SELENOO: variants seen among roughly 807,000 people sequenced by gnomAD.
SELENOO encodes selenoprotein O.
In SELENOO, 74 loss-of-function variants were observed where a neutral mutation model predicts 58.7. That is an observed-to-expected ratio of 1.26 (90% confidence interval 1.04 to 1.53). The LOEUF (loss-of-function observed/expected upper bound fraction) is 1.53, where lower values mean the gene tolerates loss of function less well. SELENOO is among the 40% of genes most tolerant of loss of function. The pLI is 0.00. For synonymous variants in SELENOO, 543 were observed against 453.2 expected (o/e 1.20, Z -2.52); for missense variants, 1,149 against 970.0 (o/e 1.18, Z -2.45).
intron 1 of SELENOO, among the ~76,000 whole-genome samples, chr22:50,204,994 G>C (rs1200620465): frequency 6.6e-6 from 1 of 152,260 alleles, no homozygotes; most frequent in East Asian, 1.9e-4. Context: ...GTCACAGAGA[G>C]ACAAATCCTG....
intron 5 of SELENOO, among the ~76,000 whole-genome samples, 180 bp downstream of exon 5, chr22:50,211,091 T>C (rs2147163717): frequency 6.6e-6 from 1 of 152,248 alleles, no homozygotes; most frequent in Non-Finnish European, 1.5e-5. Flanking sequence ...CTGCTGCGAG[T>C]GGAGTCATAC....
At chr22:50,217,183 T>A in intron 8 of SELENOO, 22 bp from the exon 9 acceptor site, 1 of 1,611,576 alleles carries the variant, frequency 6.2e-7, no homozygotes, top group East Asian at 2.2e-5. Context: ...CCCAGACCCC[T>A]CTCACCCTCC....
At position 50,201,051 on chromosome 22, in the gene SELENOO, G is replaced by A. The variant is rs1224989018; in HGVS notation, c.15G>A (p.Arg5=). MAVY[R]AALGASLAAA... is the part of the protein sequence containing the mutation. ...CGGGGCCGCGGATGGCCGTATACAGGGCAGCGCTCGGGGCTTCGCTCGCGG... is the reference window on the plus strand; with the variant it reads ...CGGGGCCGCGGATGGCCGTATACAGAGCAGCGCTCGGGGCTTCGCTCGCGG... The change falls in exon 1 of 9, where the codon AGG becomes AGA. Residue 5 remains arginine (R), a synonymous_variant. Transcript: ENST00000380903. The A allele has an allele frequency of 1.5e-6, 2 of 1,342,480 alleles. No individual in the cohort carries two copies. The highest frequency in any genetic ancestry group is 1.9e-5 in the South Asian group (1 of 53,320). The allele number at this position is 1,342,480 out of a possible 1,614,324, so 83.2% of individuals were successfully genotyped here. A position where few individuals can be genotyped will look rare whatever the true frequency, so the allele number is the denominator to read the frequency against.
At chr22:50,210,582 C>A (rs201449253) in intron 4 of SELENOO, 49 bp from the exon 5 acceptor site, 1 of 1,611,214 alleles carries the variant, frequency 6.2e-7, no homozygotes. Context: ...CACCATCTCC[C>A]GGGAACTTCC....
Position 50,217,236 on chromosome 22 carries a change from C to G in SELENOO, c.1877C>G (p.Pro626Arg). The G allele has an allele frequency of 6.2e-7, 1 of 1,611,886 alleles. No homozygotes were observed. Among genetic ancestry groups the G allele is most frequent in the Non-Finnish European group, 8.5e-7 (1 of 1,179,500 alleles). The change falls in exon 9 of 9, where the codon CCT becomes CGT. Residue 626 changes from proline (P) to arginine (R), a missense_variant. Transcript: ENST00000380903. ...VRRVLKLLET[P>R]YHCEAGAATD... ...CGGGTGCTGAAACTACTGGAGACCC[C>G]TTACCACTGCGAGGCGGGGGCCGCC... is the stretch of plus-strand genomic sequence containing the variant.
chr22:50,214,039 C>T (rs1361972655), intron 5 of SELENOO, among the ~76,000 whole-genome samples: 1 of 152,198 alleles, frequency 6.6e-6, no homozygotes, highest in East Asian at 1.9e-4. Context: ...TCCATTCTGC[C>T]AACGTTTACA....
chr22:50,211,478 C>T (rs780552770), intron 5 of SELENOO, among the ~76,000 whole-genome samples: 7 of 152,126 alleles, frequency 4.6e-5, no homozygotes, highest in Admixed American at 2.0e-4. Context: ...TCCTGACCTT[C>T]GGGGAAAAGT....
At chr22:50,216,668 C>G (rs779016717) in intron 6 of SELENOO, 23 bp from the exon 7 acceptor site, 1 of 1,560,858 alleles carries the variant, frequency 6.4e-7, no homozygotes, top group South Asian at 1.2e-5. Context: ...GGCTACCTCC[C>G]AGACACCCTG....
intron 1 of SELENOO, among the ~76,000 whole-genome samples, chr22:50,204,164 G>A (rs1466552145): frequency 7.2e-5 from 11 of 152,148 alleles, no homozygotes; most frequent in Non-Finnish European, 5.9e-5. Flanking sequence ...CCATTGGGAT[G>A]GCAGTTATTT....
At chr22:50,203,349 C>G (rs2064314381) in intron 1 of SELENOO, among the ~76,000 whole-genome samples, 1 of 152,198 alleles carries the variant, frequency 6.6e-6, no homozygotes, top group African/African-American at 2.4e-5. Context: ...GCACTCCAGC[C>G]TGGATGACAG....
rs2272852 is a variant in SELENOO at position 50,217,247 on chromosome 22, G to T, written c.1888G>T (p.Glu630Ter). ...LKLLETPYHC[E>*]AGAATDAEAT... ...ACTACTGGAGACCCCTTACCACTGC[G>T]AGGCGGGGGCCGCCACAGACGCCGA... Residue 630 changes from glutamate (E) to a stop codon, truncating the protein, a stop_gained, in exon 9 of 9, where the codon GAG becomes TAG. Transcript: ENST00000380903. LOFTEE classifies it low-confidence loss of function (END_TRUNC). 1.2e-6 allele frequency: 2 copies of T among 1,611,694 alleles called. No homozygotes were observed. The highest frequency in any genetic ancestry group is 2.2e-5 in the South Asian group (2 of 91,010).
chr22:50,214,305 C>T (rs1475741482), intron 5 of SELENOO, among the ~76,000 whole-genome samples: 1 of 152,206 alleles, frequency 6.6e-6, no homozygotes, highest in Admixed American at 6.5e-5. Flanking sequence ...CTTTCCCGGC[C>T]CTTCTGACAA....
chr22:50,203,907 C>G (rs543218654), intron 1 of SELENOO, among the ~76,000 whole-genome samples: 34 of 152,112 alleles, frequency 2.2e-4, no homozygotes, highest in African/African-American at 8.0e-4. Flanking sequence ...AAATGCAGCC[C>G]ACAGAATGGG....
chr22:50,213,384 A>G (rs972520738), intron 5 of SELENOO, among the ~76,000 whole-genome samples: 1 of 151,986 alleles, frequency 6.6e-6, no homozygotes, highest in African/African-American at 2.4e-5. Context: ...AGTGATTTCT[A>G]GCTTCATTCC....
At chr22:50,216,429 A>G (rs1237380561) in intron 6 of SELENOO, among the ~76,000 whole-genome samples, 5 of 152,222 alleles carry the variant, frequency 3.3e-5, no homozygotes, top group African/African-American at 1.2e-4. Flanking sequence ...CGGGAGGTGG[A>G]GACTCTCCAG....
Position 50,210,619 on chromosome 22 carries a change from C to G in SELENOO, c.1071-12C>G, listed in dbSNP as rs1569102899. On this transcript the variant is annotated splice_polypyrimidine_tract_variant and intron_variant, in intron 4 of 8. Coordinates refer to ENST00000380903, the MANE Select transcript of SELENOO (RefSeq NM_031454.2). ...CTCAGGCAGGGCGTGGCTCTCTTGC[C>G]CCGTGTGGCAGGTACGACCCCGACC... 2 of 1,612,830 alleles carry G rather than the reference C, an allele frequency of 1.2e-6. No homozygotes were observed. Among genetic ancestry groups the G allele is most frequent in the South Asian group, 1.1e-5 (1 of 91,072 alleles).
rs371143708 is a variant in SELENOO, at chr22:50,217,259, G to A, written c.1900G>A (p.Ala634Thr). Reference sequence around the variant, plus strand: ...CCCTTACCACTGCGAGGCGGGGGCCGCCACAGACGCCGAGGCCACGGAAGC... The same window carrying A: ...CCCTTACCACTGCGAGGCGGGGGCCACCACAGACGCCGAGGCCACGGAAGC... ...ETPYHCEAGA[A>T]TDAEATEADG... The change falls in exon 9 of 9, where the codon GCC (alanine) becomes ACC (threonine). Residue 634 changes from alanine to threonine, a missense_variant. By Grantham distance (58) the Ala-to-Thr change is moderately conservative (BLOSUM62 0). Transcript: ENST00000380903. 19 of 1,611,742 alleles carry A rather than the reference G, an allele frequency of 1.2e-5. No individual in the cohort carries two copies. Among genetic ancestry groups the A allele is most frequent in the Admixed American group, 6.7e-5 (4 of 59,842 alleles).
rs200008304 is a variant in SELENOO, at chr22:50,208,536, G to C, written c.759G>C (p.Arg253Ser). 1 of 1,612,910 alleles carries C rather than the reference G, an allele frequency of 6.2e-7. No homozygotes were observed. The highest frequency in any genetic ancestry group is 1.7e-5 in the Admixed American group (1 of 59,998). ...TTGACGCCTCGGGTCTTCCCTCCAG[G>C]TTTGGATCCTTTGAGATTTTTAAGT... ...VVLRVASTFI[R>S]FGSFEIFKSA... is the part of the protein sequence containing the mutation. The change falls in exon 3 of 9, where the codon AGG becomes AGC. Residue 253 changes from arginine to serine, a missense_variant and splice_region_variant. Coordinates refer to ENST00000380903, the MANE Select transcript of SELENOO (RefSeq NM_031454.2).
In SELENOO at chr22:50,215,919, A is replaced by C. The variant is rs373647722; in HGVS notation, c.1502+52A>C. 46 of 1,504,884 alleles carry C rather than the reference A, an allele frequency of 3.1e-5. No individual in the cohort carries two copies. In the African/African-American group the frequency reaches 5.8e-4, roughly 19 times the overall value. The allele number at this position is 1,504,884 out of a possible 1,614,324, so 93.2% of individuals were successfully genotyped here. A position where few individuals can be genotyped will look rare whatever the true frequency, so the allele number is the denominator to read the frequency against. On this transcript the variant is annotated intron_variant, in intron 6 of 8. Transcript: ENST00000380903. ...GATTTGTTTCCAGAAAAGGAAGCAT[A>C]ATCAGAAACAGAGGCTGGGGGAGAA...
Sources: allele counts gnomAD v4.1 joint callset (sites outside exome capture counted in the v4.1 genomes callset), GRCh38; gene constraint gnomAD v4.1.1; transcripts MANE v1.5; gene names NCBI Gene and HGNC (gene_info 2026-07-23, HGNC 2026-07-21).